Variants in ADAMTS12 observed in about 807,000 individuals in gnomAD.
ADAMTS12 encodes A disintegrin and metalloproteinase with thrombospondin motifs 12.
In ADAMTS12, 118 loss-of-function variants were observed where a neutral mutation model predicts 167.8. That is an observed-to-expected ratio of 0.70 (90% CI 0.61 to 0.82). The LOEUF (loss-of-function observed/expected upper bound fraction) is 0.82. Among genes scored for constraint, ADAMTS12 ranks in the 40% least tolerant of loss-of-function variants. The pLI, the probability that ADAMTS12 is intolerant of heterozygous loss-of-function variation, is 0.00. For synonymous variants in ADAMTS12, 704 were observed against 716.9 expected, an observed-to-expected ratio of 0.98 and a Z score of 0.29; for missense variants, 1,916 against 1,998.8, an observed-to-expected ratio of 0.96 and a Z score of 0.79.
chr5:33,782,474 C>T (rs1736238686), intron 2 of ADAMTS12, among the ~76,000 whole-genome samples: 1 of 151,846 alleles, frequency 6.6e-6, no homozygotes, highest in Admixed American at 6.6e-5. Context: ...AGAATAAACA[C>T]TCAATTCAAA....
At chr5:33,775,737 C>T (rs745832037) in intron 2 of ADAMTS12, among the ~76,000 whole-genome samples, 2 of 152,174 alleles carry the variant, frequency 1.3e-5, no homozygotes, top group Non-Finnish European at 2.9e-5. Context: ...AAGCCTGCAG[C>T]CTGGTGCAGA....
chr5:33,683,187 T>A, intron 4 of ADAMTS12, 86 bp from the exon 5 acceptor site: 1 of 1,063,768 alleles, frequency 9.4e-7, no homozygotes, highest in Non-Finnish European at 1.4e-6. Context: ...GTAATGCACA[T>A]AAAATAAAGG....
intron 2 of ADAMTS12, among the ~76,000 whole-genome samples, chr5:33,787,693 T>C (rs1229363021): frequency 6.6e-6 from 1 of 152,174 alleles, no homozygotes; most frequent in Non-Finnish European, 1.5e-5. Flanking sequence ...CCTACCCTGA[T>C]TTCCACACCA....
chr5:33,782,050 C>T (rs530937396), intron 2 of ADAMTS12, among the ~76,000 whole-genome samples: 29 of 152,072 alleles, frequency 1.9e-4, no homozygotes, highest in African/African-American at 6.3e-4. Context: ...ATTGTCTCTG[C>T]TTGAGTACAC....
chr5:33,596,637 G>A (rs746329269), intron 16 of ADAMTS12, among the ~76,000 whole-genome samples: 4 of 152,118 alleles, frequency 2.6e-5, no homozygotes, highest in South Asian at 2.1e-4. Context: ...AGCTGAGATC[G>A]TGCCACTGCA....
rs563791925 is a variant in ADAMTS12 at position 33,581,316 on chromosome 5, T to A, written c.2866-4156A>T. On this transcript the variant is annotated intron_variant, in intron 18 of 23. Coordinates refer to ENST00000504830, the MANE Select transcript of ADAMTS12 (RefSeq NM_030955.4). ...AACCCTGGACCAGGAAAGCAGCATG[T>A]CAACCTGTTAACCTGCTCTTTGGGA... Among the ~76,000 whole-genome samples the A allele has an allele frequency of 9.8e-5, 15 of 152,324 alleles. No homozygotes were observed. The East Asian group carries it at 2.1e-3, about 22-fold the overall frequency.
intron 2 of ADAMTS12, among the ~76,000 whole-genome samples, chr5:33,784,124 G>C (rs1377467373): frequency 6.6e-6 from 1 of 151,772 alleles, no homozygotes; most frequent in Non-Finnish European, 1.5e-5. Context: ...CCTCTCAATA[G>C]ATGTAGAAAA....
chr5:33,559,310 C>T (rs1268188628), intron 20 of ADAMTS12, among the ~76,000 whole-genome samples: 1 of 152,120 alleles, frequency 6.6e-6, no homozygotes, highest in Non-Finnish European at 1.5e-5. Flanking sequence ...GTATGGCAAA[C>T]AGGTATATGC....
At chr5:33,869,374 T>C (rs1407571471) in intron 2 of ADAMTS12, among the ~76,000 whole-genome samples, 1 of 151,974 alleles carries the variant, frequency 6.6e-6, no homozygotes, top group Non-Finnish European at 1.5e-5. Flanking sequence ...TGAAAATGCC[T>C]GGATGTCCAA....
intron 2 of ADAMTS12, among the ~76,000 whole-genome samples, chr5:33,873,698 T>C (rs993487528): frequency 2.6e-5 from 4 of 152,070 alleles, no homozygotes; most frequent in African/African-American, 7.2e-5. Flanking sequence ...GTGATATTAG[T>C]GAAAGAATAG....
At chr5:33,697,017 G>A (rs1183535201) in intron 3 of ADAMTS12, among the ~76,000 whole-genome samples, 1 of 152,106 alleles carries the variant, frequency 6.6e-6, no homozygotes. Flanking sequence ...AAGAAAAAAA[G>A]CTTTTTATTA....
chr5:33,840,876 A>G (rs1487435005), intron 2 of ADAMTS12, among the ~76,000 whole-genome samples: 2 of 152,210 alleles, frequency 1.3e-5, no homozygotes, highest in Non-Finnish European at 2.9e-5. Flanking sequence ...GTACTAAGCC[A>G]AATCAGCCTC....
intron 16 of ADAMTS12, among the ~76,000 whole-genome samples, chr5:33,602,460 T>C (rs150479377): frequency 1.3e-5 from 2 of 152,354 alleles, no homozygotes; most frequent in Admixed American, 1.3e-4. Flanking sequence ...TCTGAATTCG[T>C]CCTCCTATTA....
rs189304188 is a variant in ADAMTS12 at position 33,821,617 on chromosome 5, C to G, written c.489+59502G>C. Among the ~76,000 whole-genome samples the G allele has an allele frequency of 5.2e-3, 784 of 152,230 alleles. 3 individuals carry two copies. The highest frequency in any genetic ancestry group is 0.018 in the African/African-American group (751 of 41,526). On this transcript the variant is annotated intron_variant, in intron 2 of 23. Coordinates refer to ENST00000504830, the MANE Select transcript of ADAMTS12 (RefSeq NM_030955.4). ...CAGCAGTACGTGACTGAGGCATCTC[C>G]CCACTCTCTAAGTACTCGTTGTTAG...
chr5:33,786,461 CTT>C (rs5867211), intron 2 of ADAMTS12, among the ~76,000 whole-genome samples: 6 of 147,260 alleles, frequency 4.1e-5, no homozygotes, highest in Admixed American at 6.8e-5. Flanking sequence ...ATCTAAGAAG[CTT>C]TTTTTTTTTT....
chr5:33,626,403 G>A (rs956588316), intron 13 of ADAMTS12, among the ~76,000 whole-genome samples: 18 of 150,186 alleles, frequency 1.2e-4, no homozygotes, highest in Non-Finnish European at 2.4e-4. Flanking sequence ...TGATGGTGGT[G>A]GGGGTGATGG....
chr5:33,862,265 AATAG>A lies in ADAMTS12; in HGVS notation c.489+18850_489+18853del, dbSNP rs766030002. The stretch of plus-strand genomic sequence containing the variant: ...GCTGATTTTTTGAAAAGATTAACAA[AATAG>A]ATAGACCACCAGCCAGACTAATAAA... On this transcript the variant is annotated intron_variant, in intron 2 of 23. Transcript: ENST00000504830. 3.9e-5 allele frequency among the ~76,000 whole-genome samples: 6 copies of A among 152,340 alleles called. No individual in the cohort carries two copies. In the East Asian group the frequency reaches 5.8e-4, roughly 15 times the overall value.
intron 3 of ADAMTS12, among the ~76,000 whole-genome samples, chr5:33,704,330 A>T (rs1743109613): frequency 6.6e-6 from 1 of 152,202 alleles, no homozygotes; most frequent in Non-Finnish European, 1.5e-5. Context: ...TATCTCTTGA[A>T]GATCCAGGTT....
At chr5:33,791,469 A>AT (rs935905245) in intron 2 of ADAMTS12, among the ~76,000 whole-genome samples, 6 of 152,098 alleles carry the variant, frequency 3.9e-5, no homozygotes, top group Non-Finnish European at 8.8e-5. Context: ...TGCCTTAAAA[A>AT]TTTTTTTTAA....
Sources: allele counts gnomAD v4.1 joint callset (sites outside exome capture counted in the v4.1 genomes callset), GRCh38; gene constraint gnomAD v4.1.1; transcripts MANE v1.5; gene names NCBI Gene and HGNC (gene_info 2026-07-23, HGNC 2026-07-21).